Variants in OLAH observed in about 807,000 individuals in gnomAD.
The protein encoded by OLAH is oleoyl-ACP hydrolase.
Under a neutral mutation model 27.8 loss-of-function variants are expected in OLAH, and 33 were observed. The ratio of observed to expected loss-of-function variants is 1.19; its 90% CI spans 0.90 to 1.59. The LOEUF (loss-of-function observed/expected upper bound fraction) is 1.59, where lower values mean the gene tolerates loss of function less well. Ranked by LOEUF, OLAH falls within the 40% of genes most tolerant of loss-of-function variation. The pLI is 0.00. For synonymous variants in OLAH, 120 were observed against 102.9 expected, an observed-to-expected ratio of 1.17 and a Z score of -1.01; for missense variants, 359 against 310.8, an observed-to-expected ratio of 1.16 and a Z score of -1.17.
chr10:15,064,905 C>A (rs903784191), intron 5 of OLAH, among the ~76,000 whole-genome samples: 3 of 152,192 alleles, frequency 2.0e-5, no homozygotes, highest in African/African-American at 7.2e-5. Context: ...GATCCACCCA[C>A]CTCAGCCTCC....
intron 6 of OLAH, 66 bp from the exon 7 acceptor site, chr10:15,071,729 G>A: frequency 2.0e-6 from 3 of 1,496,866 alleles, no homozygotes; most frequent in Non-Finnish European, 2.8e-6. Flanking sequence ...ATTGACATTA[G>A]GAACAGGAAA....
At chr10:15,072,803 A>G (rs191080637) in intron 7 of OLAH, among the ~76,000 whole-genome samples, 2 of 151,336 alleles carry the variant, frequency 1.3e-5, no homozygotes, top group Admixed American at 1.3e-4. Context: ...GTCAGGGAGG[A>G]GTTTGGAACG....
chr10:15,036,065 T>G (rs915362550), intron 1 of OLAH, among the ~76,000 whole-genome samples: 1 of 152,208 alleles, frequency 6.6e-6, no homozygotes, highest in African/African-American at 2.4e-5. Flanking sequence ...CAAAGGAAAC[T>G]GCACACGACC....
intron 6 of OLAH, among the ~76,000 whole-genome samples, chr10:15,070,780 CTTTTTTTTTT>C (rs71390010): frequency 1.0e-5 from 1 of 99,942 alleles, no homozygotes; most frequent in Non-Finnish European, 1.9e-5. Context: ...CACGCCTGAA[CTTTTTTTTTT>C]TTTTTTTTTT....
chr10:15,047,948 G>C (rs1246672524), intron 2 of OLAH, among the ~76,000 whole-genome samples: 1 of 152,112 alleles, frequency 6.6e-6, no homozygotes, highest in African/African-American at 2.4e-5. Flanking sequence ...GTTGGTGTTA[G>C]TTTTGGATGT....
upstream of OLAH, among the ~76,000 whole-genome samples, chr10:15,043,471 CTTCTTCTTTT>C (rs1843957529): frequency 7.1e-6 from 1 of 141,748 alleles, no homozygotes; most frequent in Non-Finnish European, 1.5e-5. Flanking sequence ...AGTGGATTCT[CTTCTTCTTTT>C]TTTTTTTTTT....
intron 1 of OLAH, among the ~76,000 whole-genome samples, chr10:15,033,267 T>C (rs1843787655): frequency 6.6e-6 from 1 of 152,180 alleles, no homozygotes; most frequent in Non-Finnish European, 1.5e-5. Context: ...GGTTCCCTAA[T>C]TTTTAAGGCA....
chr10:15,049,825 AGAATTTG>A (rs1844098665), intron 3 of OLAH, 60 bp downstream of exon 3: 2 of 1,515,438 alleles, frequency 1.3e-6, no homozygotes, highest in Admixed American at 4.6e-5. Flanking sequence ...TAAATGTATT[AGAATTTG>A]AAGTTTGGTC....
At chr10:15,070,259 G>C (rs1295626629) in intron 6 of OLAH, among the ~76,000 whole-genome samples, 1 of 151,584 alleles carries the variant, frequency 6.6e-6, no homozygotes, top group Non-Finnish European at 1.5e-5. Context: ...CCACTCACTT[G>C]GGCCTATCAC....
At chr10:15,057,635 C>T (rs907234883) in intron 3 of OLAH, among the ~76,000 whole-genome samples, 3 of 152,022 alleles carry the variant, frequency 2.0e-5, no homozygotes, top group Non-Finnish European at 4.4e-5. Context: ...ATCCACCTGC[C>T]TCGGCCTCCC....
chr10:15,033,592 T>C (rs987073747), intron 1 of OLAH, among the ~76,000 whole-genome samples: 4 of 152,082 alleles, frequency 2.6e-5, no homozygotes, highest in Non-Finnish European at 5.9e-5. Flanking sequence ...CAAGACCGGG[T>C]AATTTATAAC....
chr10:15,059,189 C>T (rs1844314310), intron 3 of OLAH, among the ~76,000 whole-genome samples: 1 of 123,810 alleles, frequency 8.1e-6, no homozygotes, highest in Non-Finnish European at 1.7e-5. Context: ...CCTTCCCTCC[C>T]CTCCATCTGT....
intron 6 of OLAH, among the ~76,000 whole-genome samples, chr10:15,070,189 G>T (rs1305238581): frequency 1.3e-5 from 2 of 151,026 alleles, no homozygotes; most frequent in Non-Finnish European, 2.9e-5. Context: ...GGAGTGTGGG[G>T]TGCTGCTGCT....
At chr10:15,058,539 C>G (rs1310006456) in intron 3 of OLAH, among the ~76,000 whole-genome samples, 1 of 151,942 alleles carries the variant, frequency 6.6e-6, no homozygotes, top group African/African-American at 2.4e-5. Context: ...TTCTACTTAT[C>G]AATTTTGTGT....
Position 15,047,373 on chromosome 10 carries a change from A to G in OLAH, c.32+53A>G, listed in dbSNP as rs114327414. 1,434 of 1,562,934 alleles carry G rather than the reference A, an allele frequency of 9.2e-4. 6 individuals are homozygous for G. In the African/African-American group the frequency reaches 0.017, roughly 19 times the overall value. On this transcript the variant is annotated intron_variant, in intron 2 of 7. Coordinates refer to ENST00000378228, the MANE Select transcript of OLAH (RefSeq NM_001039702.3). Reference sequence around the variant, plus strand: ...CTTCCTCCATCCCAGGGGCTCCGATACCCTGCCTTTGTACGGCTCCCTTTT... The same window carrying G: ...CTTCCTCCATCCCAGGGGCTCCGATGCCCTGCCTTTGTACGGCTCCCTTTT...
At chr10:15,041,976 C>T (rs1222593377), upstream of OLAH, among the ~76,000 whole-genome samples, 5 of 151,760 alleles carry the variant, frequency 3.3e-5, no homozygotes, top group African/African-American at 4.8e-5. Flanking sequence ...ACTTTTCTGT[C>T]AGCTTCTCTT....
chr10:15,044,329 G>A (rs1843974227), intron 1 of OLAH, among the ~76,000 whole-genome samples: 1 of 152,096 alleles, frequency 6.6e-6, no homozygotes, highest in Non-Finnish European at 1.5e-5. Flanking sequence ...ATTAAGGCAT[G>A]CATATTTATA....
chr10:15,058,652 C>T (rs921930692), intron 3 of OLAH, among the ~76,000 whole-genome samples: 1 of 151,956 alleles, frequency 6.6e-6, no homozygotes, highest in Admixed American at 6.6e-5. Context: ...AAAAAATAAT[C>T]TTTTATATAT....
chr10:15,056,491 A>T (rs1477449777), intron 3 of OLAH, among the ~76,000 whole-genome samples: 1 of 152,220 alleles, frequency 6.6e-6, no homozygotes, highest in Non-Finnish European at 1.5e-5. Context: ...TGTGCATGAA[A>T]TTATTCTAAC....
Sources: allele counts gnomAD v4.1 joint callset (sites outside exome capture counted in the v4.1 genomes callset), GRCh38; gene constraint gnomAD v4.1.1; transcripts MANE v1.5; gene names NCBI Gene and HGNC (gene_info 2026-07-23, HGNC 2026-07-21).